Variants in NTM observed in about 807,000 individuals in gnomAD.
The protein encoded by NTM is IgLON family member 2.
In NTM, 13 loss-of-function variants were observed where a neutral mutation model predicts 42.1. That is an observed-to-expected ratio of 0.31 (90% CI 0.20 to 0.49). The LOEUF (loss-of-function observed/expected upper bound fraction) is 0.49. Ranked by LOEUF, NTM falls within the 20% of genes least tolerant of loss-of-function variation. The pLI is 0.99. For missense variants in NTM, 373 were observed against 452.8 expected, an observed-to-expected ratio of 0.82 and a Z score of 1.60; for synonymous variants, 187 against 179.2, an observed-to-expected ratio of 1.04 and a Z score of -0.35.
At chr11:132,285,695 C>T (rs2094202952) in intron 4 of NTM, among the ~76,000 whole-genome samples, 1 of 152,178 alleles carries the variant, frequency 6.6e-6, no homozygotes, top group African/African-American at 2.4e-5. Context: ...AAAGGACACA[C>T]AAGAGATCAT....
chr11:131,434,416 C>T (rs994644466), intron 1 of NTM, among the ~76,000 whole-genome samples: 5 of 152,298 alleles, frequency 3.3e-5, no homozygotes, highest in Non-Finnish European at 5.9e-5. Flanking sequence ...AGTGTAAAAG[C>T]ATTCCTATTT....
chr11:132,217,182 T>G (rs2084023633), intron 4 of NTM, among the ~76,000 whole-genome samples: 1 of 152,146 alleles, frequency 6.6e-6, no homozygotes, highest in Non-Finnish European at 1.5e-5. Context: ...CAACCACTAT[T>G]TCCTAAGGCA....
chr11:131,757,145 T>G (rs2083449446), intron 1 of NTM, among the ~76,000 whole-genome samples: 1 of 152,216 alleles, frequency 6.6e-6, no homozygotes, highest in Admixed American at 6.5e-5. Context: ...ACATCTCCTT[T>G]GTGATTCCAG....
At chr11:131,441,863 T>C (rs568352972) in intron 1 of NTM, among the ~76,000 whole-genome samples, 68 of 152,322 alleles carry the variant, frequency 4.5e-4, no homozygotes, top group African/African-American at 1.4e-3. Flanking sequence ...GATGACTTAC[T>C]TGATTCACTC....
chr11:131,724,266 G>A (rs972785846), intron 1 of NTM, among the ~76,000 whole-genome samples: 1 of 152,024 alleles, frequency 6.6e-6, no homozygotes, highest in Non-Finnish European at 1.5e-5. Context: ...TTCTCTCTTT[G>A]TCTGCCCATC....
chr11:131,408,656 G>A (rs1041758912), intron 1 of NTM, among the ~76,000 whole-genome samples: 5 of 152,134 alleles, frequency 3.3e-5, no homozygotes, highest in South Asian at 2.1e-4. Context: ...CTGGGGCTCC[G>A]AGATGGTAGA....
intron 2 of NTM, among the ~76,000 whole-genome samples, chr11:132,069,728 A>G (rs28550689): frequency 0.11 from 15,300 of 143,082 alleles, 1 homozygote; most frequent in Non-Finnish European, 0.12. Context: ...CACACTGACC[A>G]TCACAGGTTA....
chr11:132,315,080 A>C (rs1000176783), intron 7 of NTM: 25 of 982,670 alleles, frequency 2.5e-5, no homozygotes, highest in Admixed American at 1.8e-4. Context: ...ATGACATTTG[A>C]TTTTTTTTTT....
intron 1 of NTM, among the ~76,000 whole-genome samples, chr11:131,826,431 G>A (rs1038497875): frequency 6.6e-5 from 10 of 152,066 alleles, no homozygotes; most frequent in African/African-American, 1.7e-4. Context: ...ATGATCATCA[G>A]GAAGGACGTC....
intron 1 of NTM, among the ~76,000 whole-genome samples, chr11:131,639,446 T>TA (rs1370194782): frequency 1.3e-5 from 2 of 152,160 alleles, no homozygotes; most frequent in Non-Finnish European, 2.9e-5. Context: ...CTTAGAAAAC[T>TA]AAAAAAATTA....
intron 2 of NTM, among the ~76,000 whole-genome samples, chr11:131,913,742 T>C (rs1216267155): frequency 6.6e-6 from 1 of 152,170 alleles, no homozygotes; most frequent in Non-Finnish European, 1.5e-5. Flanking sequence ...TTCTAGACCC[T>C]TGAATTGACC....
chr11:132,180,172 T>G (rs568432320), intron 3 of NTM, among the ~76,000 whole-genome samples: 1 of 152,288 alleles, frequency 6.6e-6, no homozygotes, highest in African/African-American at 2.4e-5. Flanking sequence ...TATTGTGTAT[T>G]CACAGTCTAA....
chr11:131,729,537 C>T (rs547090575), intron 1 of NTM, among the ~76,000 whole-genome samples: 4 of 152,114 alleles, frequency 2.6e-5, no homozygotes, highest in Non-Finnish European at 4.4e-5. Flanking sequence ...AATTCCAGAA[C>T]GATTTTTATC....
chr11:131,458,081 G>C (rs1008149734), intron 1 of NTM, among the ~76,000 whole-genome samples: 5 of 152,220 alleles, frequency 3.3e-5, no homozygotes, highest in Admixed American at 6.5e-5. Flanking sequence ...GATCACTAGG[G>C]GATGAGTGTG....
chr11:131,621,799 G>A (rs2062584646), intron 1 of NTM, among the ~76,000 whole-genome samples: 1 of 141,972 alleles, frequency 7.0e-6, no homozygotes, highest in Admixed American at 7.1e-5. Flanking sequence ...TCCAGCCTGG[G>A]CAACAGAGCA....
chr11:132,238,815 A>T (rs1006062194), intron 4 of NTM, among the ~76,000 whole-genome samples: 1 of 152,192 alleles, frequency 6.6e-6, no homozygotes, highest in Non-Finnish European at 1.5e-5. Flanking sequence ...CTAATTCAGC[A>T]GGTCTGGGGT....
chr11:132,066,792 T>C (rs2056567315), intron 2 of NTM, among the ~76,000 whole-genome samples: 1 of 152,176 alleles, frequency 6.6e-6, no homozygotes, highest in South Asian at 2.1e-4. Context: ...TTGCATTGCA[T>C]TTAGGACCCA....
chr11:132,219,741 A>G (rs1045223336), intron 4 of NTM, among the ~76,000 whole-genome samples: 3 of 152,034 alleles, frequency 2.0e-5, no homozygotes, highest in African/African-American at 7.2e-5. Context: ...ACGTGCACCA[A>G]TGGAAAGCTC....
At position 131,371,097 on chromosome 11, in the gene NTM, T is replaced by A. The variant is rs1186655036; in HGVS notation, c.82+209T>A. 14 of 985,274 alleles carry A rather than the reference T, an allele frequency of 1.4e-5. No individual in the cohort carries two copies. In the East Asian group the frequency reaches 1.4e-3, roughly 96 times the overall value. 61.0% of individuals were successfully genotyped at this position (985,274 alleles called of 1,614,324 possible). Reference sequence around the variant, plus strand: ...GCTGCTACCGGAATGGGGGAATATGTATGTGCATAAGTAAAATGTGTTTGG... The same window carrying A: ...GCTGCTACCGGAATGGGGGAATATGAATGTGCATAAGTAAAATGTGTTTGG... On this transcript the variant is annotated intron_variant, in intron 1 of 8. Transcript: ENST00000683400.
Sources: allele counts gnomAD v4.1 joint callset (sites outside exome capture counted in the v4.1 genomes callset), GRCh38; gene constraint gnomAD v4.1.1; transcripts MANE v1.5; gene names NCBI Gene and HGNC (gene_info 2026-07-23, HGNC 2026-07-21).